The following SLC44A5 variants were observed in gnomAD, a reference collection of about 807,000 sequenced individuals.
The protein encoded by SLC44A5 is solute carrier family 44 member 5.
In SLC44A5, 57 loss-of-function variants were observed where a neutral mutation model predicts 101.8. The ratio of observed to expected loss-of-function variants is 0.56; its 90% CI spans 0.45 to 0.70. The LOEUF (loss-of-function observed/expected upper bound fraction) is 0.70. SLC44A5 is among the 30% of genes least tolerant of loss of function. SLC44A5 has a pLI of 0.00. For missense variants in SLC44A5, 737 were observed against 853.1 expected (o/e 0.86, Z 1.70); for synonymous variants, 281 against 290.9 (o/e 0.97, Z 0.35).
At chr1:75,484,587 T>C (rs1470808000) in intron 2 of SLC44A5, among the ~76,000 whole-genome samples, 1 of 152,192 alleles carries the variant, frequency 6.6e-6, no homozygotes, top group Non-Finnish European at 1.5e-5. Context: ...AAGCCGTTGG[T>C]GTATCTACCA....
At chr1:75,327,790 T>C (rs1243682139) in intron 4 of SLC44A5, among the ~76,000 whole-genome samples, 3 of 152,218 alleles carry the variant, frequency 2.0e-5, no homozygotes, top group Non-Finnish European at 4.4e-5. Flanking sequence ...AAAATGACCT[T>C]GGTATGGAAA....
chr1:75,540,215 T>C (rs927275122), intron 2 of SLC44A5, among the ~76,000 whole-genome samples: 2 of 152,230 alleles, frequency 1.3e-5, no homozygotes, highest in African/African-American at 4.8e-5. Context: ...ACTGTGCCAA[T>C]TTAATCCTTA....
At chr1:75,664,589 G>A in the SLC44A5 span, among the ~76,000 whole-genome samples, 3 of 152,064 alleles carry the variant, frequency 2.0e-5, no homozygotes, top group South Asian at 6.2e-4. Context: ...AAATATCTAG[G>A]AATACAGATA....
intron 2 of SLC44A5, among the ~76,000 whole-genome samples, chr1:75,505,197 C>T (rs1570469989): frequency 6.6e-6 from 1 of 152,076 alleles, no homozygotes; most frequent in Admixed American, 6.6e-5. Flanking sequence ...GCATAGTATT[C>T]CATGGTATTT....
At chr1:75,625,202 T>A in the SLC44A5 span, among the ~76,000 whole-genome samples, 271 of 152,258 alleles carry the variant, frequency 1.8e-3, 1 homozygote, top group African/African-American at 6.2e-3. Context: ...CCTCCATGCC[T>A]TCTACATTAT....
At chr1:75,495,749 C>A (rs1018583999) in intron 2 of SLC44A5, among the ~76,000 whole-genome samples, 1 of 151,844 alleles carries the variant, frequency 6.6e-6, no homozygotes, top group Non-Finnish European at 1.5e-5. Flanking sequence ...TTGTAAAACA[C>A]CATCAGAGGC....
upstream of SLC44A5, chr1:75,611,117 G>GA (rs961323132): frequency 4.2e-5 from 41 of 983,560 alleles, no homozygotes; most frequent in Middle Eastern, 1.0e-3. Context: ...TCACTACTGT[G>GA]AAAAAAAAGC....
chr1:75,429,682 A>G (rs988619458), intron 2 of SLC44A5, among the ~76,000 whole-genome samples: 1 of 152,118 alleles, frequency 6.6e-6, no homozygotes, highest in African/African-American at 2.4e-5. Flanking sequence ...TGGAAGATGA[A>G]GGGGAACATG....
chr1:75,351,257 T>C (rs930476704), intron 3 of SLC44A5, among the ~76,000 whole-genome samples: 2 of 152,062 alleles, frequency 1.3e-5, no homozygotes, highest in Admixed American at 6.5e-5. Context: ...GTAAAGATTG[T>C]AACACATTTT....
chr1:75,304,316 G>T (rs1048255576), intron 4 of SLC44A5, among the ~76,000 whole-genome samples: 18 of 151,880 alleles, frequency 1.2e-4, no homozygotes, highest in African/African-American at 3.9e-4. Context: ...GTGTGTGTGT[G>T]TGTGTGTGTA....
At chr1:75,637,478 G>C in the SLC44A5 span, among the ~76,000 whole-genome samples, 1 of 151,934 alleles carries the variant, frequency 6.6e-6, no homozygotes, top group African/African-American at 2.4e-5. Context: ...AAGAAGTAGC[G>C]TAGAGGTTAC....
chr1:75,281,645 C>A (rs895748006), intron 5 of SLC44A5, among the ~76,000 whole-genome samples: 5 of 108,686 alleles, frequency 4.6e-5, no homozygotes, highest in Admixed American at 1.9e-4. Context: ...GGCCCCCCCC[C>A]CCCCCCGCTG....
At chr1:75,430,232 A>T (rs55996872) in intron 2 of SLC44A5, among the ~76,000 whole-genome samples, 1,880 of 152,100 alleles carry the variant, frequency 0.012, 23 homozygotes, top group Admixed American at 0.032. Context: ...TTCCCTTTCC[A>T]TCCCTTTTAC....
At chr1:75,298,881 C>T (rs898784571) in intron 5 of SLC44A5, among the ~76,000 whole-genome samples, 23 of 152,144 alleles carry the variant, frequency 1.5e-4, no homozygotes, top group African/African-American at 5.1e-4. Context: ...GGTATTATTT[C>T]ATTTACTCCT....
chr1:75,294,954 T>G (rs774980723), intron 5 of SLC44A5, among the ~76,000 whole-genome samples: 1 of 152,150 alleles, frequency 6.6e-6, no homozygotes, highest in Non-Finnish European at 1.5e-5. Context: ...AGAGATCTGA[T>G]TTACAGCATT....
chr1:75,401,915 C>T (rs1662502593), intron 2 of SLC44A5, among the ~76,000 whole-genome samples: 1 of 152,062 alleles, frequency 6.6e-6, no homozygotes, highest in Non-Finnish European at 1.5e-5. Context: ...GCAATTCTAG[C>T]AGACAAAATT....
chr1:75,272,654 C>T (rs536837846), intron 6 of SLC44A5, among the ~76,000 whole-genome samples: 1 of 152,078 alleles, frequency 6.6e-6, no homozygotes, highest in South Asian at 2.1e-4. Context: ...ATGTCCTTTC[C>T]CCAATTTACG....
chr1:75,648,652 T>C, the SLC44A5 span, among the ~76,000 whole-genome samples: 1 of 152,074 alleles, frequency 6.6e-6, no homozygotes. Flanking sequence ...TCTGATGTTT[T>C]TTCCAAATGC....
chr1:75,404,220 T>G (rs1662698275), intron 2 of SLC44A5, among the ~76,000 whole-genome samples: 1 of 152,144 alleles, frequency 6.6e-6, no homozygotes, highest in African/African-American at 2.4e-5. Flanking sequence ...AACCTACGTT[T>G]GATTGGTGTA....
Sources: allele counts gnomAD v4.1 joint callset (sites outside exome capture counted in the v4.1 genomes callset), GRCh38; gene constraint gnomAD v4.1.1; transcripts MANE v1.5; gene names NCBI Gene and HGNC (gene_info 2026-07-23, HGNC 2026-07-21).